Variants in COL4A1 observed in about 807,000 individuals in gnomAD.
COL4A1 encodes collagen alpha-1(IV) chain.
In COL4A1, 40 loss-of-function variants were observed where a neutral mutation model predicts 216.6. The ratio of observed to expected loss-of-function variants is 0.18; its 90% CI spans 0.14 to 0.24. COL4A1 has a LOEUF of 0.24. Among genes scored for constraint, COL4A1 ranks in the 10% least tolerant of loss-of-function variants. The probability of loss-of-function intolerance (pLI) is 1.00; values close to 1 mark genes in which losing one functional copy is unlikely to be tolerated. For synonymous variants in COL4A1, 839 were observed against 810.7 expected, an observed-to-expected ratio of 1.03 and a Z score of -0.59; for missense variants, 1,628 against 2,196.8, an observed-to-expected ratio of 0.74 and a Z score of 5.18.
At chr13:110,290,619 C>A (rs566420618) in intron 1 of COL4A1, among the ~76,000 whole-genome samples, 2 of 152,234 alleles carry the variant, frequency 1.3e-5, no homozygotes, top group African/African-American at 4.8e-5. Flanking sequence ...GGAGTCACCT[C>A]CAGCTCATCA....
chr13:110,180,934 C>A (rs1449291817), intron 29 of COL4A1, among the ~76,000 whole-genome samples: 1 of 152,186 alleles, frequency 6.6e-6, no homozygotes, highest in Non-Finnish European at 1.5e-5. Context: ...GGCTGAGAAA[C>A]CATCCTGGGT....
At position 110,294,596 on chromosome 13, in the gene COL4A1, T is replaced by C. The variant is rs77335729; in HGVS notation, c.84+12348A>G. Among the ~76,000 whole-genome samples the C allele has an allele frequency of 1.1e-3, 167 of 152,354 alleles. 4 individuals are homozygous for C. The highest frequency in any genetic ancestry group is 7.7e-3 in the East Asian group (40 of 5,192). ...ATTTCCAAAAATTGGAACAACTCAATGTCTGTTAGTCTCATGAATGTACTT... is the reference window on the plus strand; with the variant it reads ...ATTTCCAAAAATTGGAACAACTCAACGTCTGTTAGTCTCATGAATGTACTT... On this transcript the variant is annotated intron_variant, in intron 1 of 51. Transcript: ENST00000375820.
chr13:110,160,168 C>G lies in COL4A1; in HGVS notation c.4640+1024G>C, dbSNP rs918391430. ...TTAAAAAAATTCATAGGGGGCCGGG[C>G]GCGGTGGCTCACGCCTGTAATCCCA... On this transcript the variant is annotated intron_variant, in intron 49 of 51. Transcript: ENST00000375820. Among the ~76,000 whole-genome samples, 5 of 119,344 alleles carry G rather than the reference C, an allele frequency of 4.2e-5. 1 individual carries two copies. The Admixed American group carries it at 4.3e-4, about 10-fold the overall frequency. 78.3% of individuals were successfully genotyped at this position (119,344 alleles called of 152,430 possible). A position where few individuals can be genotyped will look rare whatever the true frequency, so the allele number is the denominator to read the frequency against.
chr13:110,169,815 C>T, intron 42 of COL4A1, 53 bp from the exon 43 acceptor site: 1 of 1,610,940 alleles, frequency 6.2e-7, no homozygotes. Flanking sequence ...CACAAGTGTC[C>T]CTGGGCTGTG....
Position 110,192,864 on chromosome 13 carries a change from C to T in COL4A1, c.1431G>A (p.Gly477=). The change falls in exon 23 of 52, where the codon GGG becomes GGA. Residue 477 remains glycine, a synonymous_variant. Transcript: ENST00000375820. The part of the protein sequence containing the change: ...CLICDIDGYR[G]PPGPQGPPGE... ...CCGGGGGTCCCTGTGGCCCGGGAGG[C>T]CCCCGATATCCGTCTATATCACAGA... 6.2e-7 allele frequency: 1 copy of T among 1,614,076 alleles called. No individual in the cohort carries two copies. Among genetic ancestry groups the T allele is most frequent in the Non-Finnish European group, 8.5e-7 (1 of 1,179,978 alleles).
At chr13:110,294,356 C>T (rs759045085) in intron 1 of COL4A1, among the ~76,000 whole-genome samples, 1 of 152,226 alleles carries the variant, frequency 6.6e-6, no homozygotes, top group Non-Finnish European at 1.5e-5. Flanking sequence ...TTGTGACACA[C>T]AACATCCTCA....
intron 43 of COL4A1, among the ~76,000 whole-genome samples, chr13:110,168,142 T>C (rs764448359): frequency 7.9e-5 from 12 of 152,090 alleles, no homozygotes; most frequent in Non-Finnish European, 1.6e-4. Context: ...GCTTCAGCCT[T>C]CCAAGTGGCT....
chr13:110,203,979 A>G (rs1199269916), intron 17 of COL4A1, among the ~76,000 whole-genome samples: 1 of 152,250 alleles, frequency 6.6e-6, no homozygotes, highest in Admixed American at 6.5e-5. Context: ...ATAAAATAAT[A>G]TAAAAGCATG....
intron 1 of COL4A1, among the ~76,000 whole-genome samples, chr13:110,267,027 G>C (rs1883062281): frequency 6.6e-6 from 1 of 152,220 alleles, no homozygotes; most frequent in Non-Finnish European, 1.5e-5. Context: ...CACTCTGCCA[G>C]GGACCAGCAG....
chr13:110,172,885 G>A, intron 40 of COL4A1, 115 bp from the exon 41 acceptor site: 1 of 849,518 alleles, frequency 1.2e-6, no homozygotes, highest in Non-Finnish European at 2.0e-6. Context: ...GGAGTACATA[G>A]ATATTAGTTA....
chr13:110,296,569 C>G (rs1271964959), intron 1 of COL4A1, among the ~76,000 whole-genome samples: 1 of 152,232 alleles, frequency 6.6e-6, no homozygotes, highest in Non-Finnish European at 1.5e-5. Context: ...GCTTCTGACA[C>G]CGGCTGTGTG....
chr13:110,169,673 C>T lies in COL4A1; in HGVS notation c.3832G>A (p.Gly1278Ser), dbSNP rs757453900. ...KGNPGWPGAP[G>S]VPGPKGDPGF... Reference sequence around the variant, plus strand: ...GGGTCTCCCTTGGGCCCTGGGACACCGGGTGCTCCTGGCCAGCCTGGATTT... The same window carrying T: ...GGGTCTCCCTTGGGCCCTGGGACACTGGGTGCTCCTGGCCAGCCTGGATTT... The change falls in exon 43 of 52, where the codon GGT becomes AGT. Residue 1278 changes from glycine to serine, a missense_variant. By Grantham distance (56) the Gly-to-Ser change is moderately conservative (BLOSUM62 0). Coordinates refer to ENST00000375820, the MANE Select transcript of COL4A1 (RefSeq NM_001845.6). 1.2e-5 allele frequency: 19 copies of T among 1,614,022 alleles called. No homozygotes were observed. Among genetic ancestry groups the T allele is most frequent in the East Asian group, 2.2e-5 (1 of 44,864 alleles).
In COL4A1 at chr13:110,177,021, C is replaced by A. The variant is rs756513346; in HGVS notation, c.2733G>T (p.Pro911=). The change falls in exon 34 of 52, where the codon CCG becomes CCT. Residue 911 remains proline (P), a synonymous_variant. Transcript: ENST00000375820. ...GGTCTCCCCTGGGTCCTGAGGAGCCCGGAAAGCCATGGTCCCCTGCAGAGG... is the reference window on the plus strand; with the variant it reads ...GGTCTCCCCTGGGTCCTGAGGAGCCAGGAAAGCCATGGTCCCCTGCAGAGG... The part of the protein sequence containing the change: ...LPGEKGDHGF[P]GSSGPRGDPG... 6.2e-7 allele frequency: 1 copy of A among 1,613,984 alleles called. No individual in the cohort carries two copies. The highest frequency in any genetic ancestry group is 1.7e-5 in the Admixed American group (1 of 60,016).
chr13:110,285,309 CA>C (rs1883797008), intron 1 of COL4A1, among the ~76,000 whole-genome samples: 1 of 152,220 alleles, frequency 6.6e-6, no homozygotes, highest in African/African-American at 2.4e-5. Flanking sequence ...GAATCCCACG[CA>C]TATTTCCTCA....
rs985024906 is a variant in COL4A1 at position 110,182,581 on chromosome 13, G to A, written c.2095+412C>T. Among the ~76,000 whole-genome samples the A allele has an allele frequency of 1.7e-4, 26 of 152,250 alleles. No homozygotes were observed. In the East Asian group the frequency reaches 1.9e-3, roughly 11 times the overall value. On this transcript the variant is annotated intron_variant, in intron 28 of 51. Transcript: ENST00000375820. Reference sequence around the variant, plus strand: ...AGCAGGAAGTGACGGCTCTAACACCGGTAGGACTCCTCCCCTCGGAGCAAA... The same window carrying A: ...AGCAGGAAGTGACGGCTCTAACACCAGTAGGACTCCTCCCCTCGGAGCAAA...
intron 1 of COL4A1, 150 bp from the exon 2 acceptor site, chr13:110,242,884 G>A: frequency 2.3e-6 from 2 of 873,088 alleles, no homozygotes; most frequent in South Asian, 2.7e-5. Flanking sequence ...GGTTTTCATG[G>A]GGCTGTCATG....
At chr13:110,222,161 A>G (rs1412493601) in intron 2 of COL4A1, among the ~76,000 whole-genome samples, 3 of 152,058 alleles carry the variant, frequency 2.0e-5, no homozygotes, top group African/African-American at 7.2e-5. Flanking sequence ...AGCACATTCG[A>G]GAGCGCTGCC....
chr13:110,240,437 G>A (rs181019769), intron 2 of COL4A1, among the ~76,000 whole-genome samples: 10 of 152,316 alleles, frequency 6.6e-5, no homozygotes, highest in African/African-American at 2.4e-4. Flanking sequence ...GCTAAAGCTG[G>A]CCCCTGTAGG....
chr13:110,238,517 T>C (rs573866109), intron 2 of COL4A1, among the ~76,000 whole-genome samples: 76 of 152,338 alleles, frequency 5.0e-4, no homozygotes, highest in African/African-American at 1.7e-3. Flanking sequence ...TCCTGCTGAA[T>C]TGGGGAAGCT....
Sources: gnomAD v4.1 joint callset for allele counts (sites outside exome capture counted in the v4.1 genomes callset) on GRCh38, gnomAD v4.1.1 for gene constraint, MANE v1.5 for transcripts, NCBI Gene and HGNC (gene_info 2026-07-23, HGNC 2026-07-21) for gene names.